QRICH2: variants seen among roughly 807,000 people sequenced by gnomAD.
The protein encoded by QRICH2 is glutamine rich 2.
QRICH2 carries 119 observed loss-of-function variants against 168.3 expected under a neutral mutation model. The ratio of observed to expected loss-of-function variants is 0.71; its 90% CI spans 0.61 to 0.82. The LOEUF (loss-of-function observed/expected upper bound fraction) is 0.82. Ranked by LOEUF, QRICH2 falls within the 40% of genes least tolerant of loss-of-function variation. The pLI is 0.00. For missense variants in QRICH2, 2,241 were observed against 2,491.6 expected (o/e 0.90, Z 2.14); for synonymous variants, 894 against 951.2 (o/e 0.94, Z 1.11).
intron 18 of QRICH2, among the ~76,000 whole-genome samples, chr17:76,274,485 A>T (rs1311858697): frequency 6.6e-6 from 1 of 152,184 alleles, no homozygotes; most frequent in Non-Finnish European, 1.5e-5. Context: ...AAAAATAAGC[A>T]AACACGTCCT....
rs895993534 is a variant in QRICH2, at chr17:76,287,949, C to G, written c.3799-52G>C. On this transcript the variant is annotated intron_variant, in intron 5 of 18. Coordinates refer to ENST00000680821, the MANE Select transcript of QRICH2 (RefSeq NM_001388453.1). The stretch of plus-strand genomic sequence containing the variant: ...CAGGCAGGCCTGAGCTCCCGCTTCC[C>G]AAGTGTGCCCTTGCATGCAGCTCAT... 3.5e-6 allele frequency: 5 copies of G among 1,428,760 alleles called. No individual in the cohort carries two copies. In the African/African-American group the frequency reaches 7.0e-5, roughly 20 times the overall value. The allele number at this position is 1,428,760 out of a possible 1,614,324, so 88.5% of individuals were successfully genotyped here.
rs572322941 is a variant in QRICH2, at chr17:76,274,099, G to A, written c.5644C>T (p.Arg1882Trp). The change falls in exon 19 of 19, where the codon CGG (arginine) becomes TGG (tryptophan). Residue 1882 changes from arginine to tryptophan, a missense_variant. Around this residue, in one of 3 missense-constraint regions of QRICH2, gnomAD observed 189 missense variants for 169.3 expected, o/e 1.12. Transcript: ENST00000680821. ...TCCGCTCACTGAGCGGTGCTGGACC[G>A]CGGCCCCCGCGTGGGCTCCTCGAGC... Reference protein sequence around the residue: ...EGLEEPTRGPRSSTAQ With the variant: ...EGLEEPTRGPWSSTAQ 10 of 1,579,312 alleles carry A rather than the reference G, an allele frequency of 6.3e-6. No individual in the cohort carries two copies. The highest frequency in any genetic ancestry group is 5.5e-5 in the African/African-American group (4 of 72,400).
rs2070772421 is a variant in QRICH2, at chr17:76,280,742, G to C, written c.4387-14C>G. On this transcript the variant is annotated splice_polypyrimidine_tract_variant and intron_variant, in intron 9 of 18. Coordinates refer to ENST00000680821, the MANE Select transcript of QRICH2 (RefSeq NM_001388453.1). This position sits in a 1 kb window ranked among gnomAD's most constrained non-coding sequence, Gnocchi z 7.4. ...CTGGTACAGCATCTGGGGAGGCCAA[G>C]TGAACAGAGAAAAAAAGAGCCAGCA... 2 of 1,614,130 alleles carry C rather than the reference G, an allele frequency of 1.2e-6. No individual in the cohort carries two copies. Among genetic ancestry groups the C allele is most frequent in the Admixed American group, 1.7e-5 (1 of 60,020 alleles).
At chr17:76,290,755 A>C (rs913609779) in intron 4 of QRICH2, among the ~76,000 whole-genome samples, 6 of 151,936 alleles carry the variant, frequency 3.9e-5, no homozygotes, top group African/African-American at 1.5e-4. Context: ...CTATAACCAG[A>C]CACTTTCCCC....
At chr17:76,277,882 T>C (rs1009153287) in intron 15 of QRICH2, 107 bp downstream of exon 15, 2 of 1,227,312 alleles carry the variant, frequency 1.6e-6, no homozygotes, top group African/African-American at 3.0e-5. Flanking sequence ...CACACTCCCT[T>C]TTCTCCCCCA....
chr17:76,288,974 A>G (rs1293333094), intron 5 of QRICH2, among the ~76,000 whole-genome samples: 1 of 150,156 alleles, frequency 6.7e-6, no homozygotes, highest in Non-Finnish European at 1.5e-5. Context: ...CGTGGTGGCG[A>G]GCACCTGTAG....
intron 2 of QRICH2, 55 bp downstream of exon 2, chr17:76,304,825 ACT>A (rs2070964164): frequency 4.0e-6 from 5 of 1,247,598 alleles, no homozygotes; most frequent in Non-Finnish European, 4.7e-6. Flanking sequence ...AGAGGGCCAC[ACT>A]GAGAGACGGC....
In QRICH2 at chr17:76,300,112, G is replaced by T. The variant is rs571491937; in HGVS notation, c.705+4303C>A. On this transcript the variant is annotated intron_variant, in intron 3 of 18. Coordinates refer to ENST00000680821, the MANE Select transcript of QRICH2 (RefSeq NM_001388453.1). ...CCCAAAGTGCTGGAATTACAGGCGTGAGCCACCGCACCTGGCCAAGCCAAA... is the reference window on the plus strand; with the variant it reads ...CCCAAAGTGCTGGAATTACAGGCGTTAGCCACCGCACCTGGCCAAGCCAAA... 2.6e-5 allele frequency among the ~76,000 whole-genome samples: 4 copies of T among 152,182 alleles called. No individual in the cohort carries two copies. The East Asian group carries it at 5.8e-4, about 22-fold the overall frequency.
At position 76,292,556 on chromosome 17, in the gene QRICH2, C is replaced by A. The variant is rs776199750; in HGVS notation, c.2171G>T (p.Gly724Val). The change falls in exon 4 of 19, where the codon GGT becomes GTT. Residue 724 changes from glycine (G) to valine (V), a missense_variant. Transcript: ENST00000680821. Reference protein sequence around the residue: ...GADQSDLAQPGAVQHGLVQPG... With the variant: ...GADQSDLAQPVAVQHGLVQPG... ...TTGGACCAAACCATGCTGAACTGCA[C>A]CAGGTTGAGCCAAATCACTCTGATC... The A allele has an allele frequency of 1.2e-6, 2 of 1,613,988 alleles. No homozygotes were observed. Among genetic ancestry groups the A allele is most frequent in the South Asian group, 2.2e-5 (2 of 91,064 alleles).
At chr17:76,300,287 A>G (rs556718734) in intron 3 of QRICH2, among the ~76,000 whole-genome samples, 2 of 152,136 alleles carry the variant, frequency 1.3e-5, no homozygotes, top group Non-Finnish European at 2.9e-5. Flanking sequence ...TGTGCGTTTG[A>G]TTACTGCTCA....
In QRICH2 at chr17:76,274,126, C is replaced by T; in HGVS notation, c.5617G>A (p.Gly1873Arg). 6.3e-7 allele frequency: 1 copy of T among 1,589,064 alleles called. No homozygotes were observed. The highest frequency in any genetic ancestry group is 8.5e-7 in the Non-Finnish European group (1 of 1,170,980). Residue 1873 changes from glycine to arginine, a missense_variant, in exon 19 of 19, where the codon GGG (glycine) becomes AGG (arginine). By Grantham distance (125) the Gly-to-Arg change is moderately radical. Coordinates refer to ENST00000680821, the MANE Select transcript of QRICH2 (RefSeq NM_001388453.1). ...ERHVDMPPGE[G>R]LEEPTRGPRS... is the part of the protein sequence containing the mutation. ...GGCCCCCGCGTGGGCTCCTCGAGCCCCTCCCCAGGAGGCATGTCCACGTGC... is the reference window on the plus strand; with the variant it reads ...GGCCCCCGCGTGGGCTCCTCGAGCCTCTCCCCAGGAGGCATGTCCACGTGC...
chr17:76,274,344 G>T (rs181732577), intron 18 of QRICH2, 84 bp from the exon 19 acceptor site: 2 of 1,394,770 alleles, frequency 1.4e-6, no homozygotes, highest in Non-Finnish European at 2.0e-6. Flanking sequence ...GCCCAGGGAG[G>T]TTGAGAGCAG....
At chr17:76,277,385 G>A (rs1182312164) in intron 15 of QRICH2, 75 bp from the exon 16 acceptor site, 10 of 1,522,800 alleles carry the variant, frequency 6.6e-6, no homozygotes, top group East Asian at 2.4e-5. Context: ...CACCCATGGG[G>A]CTGACCAGAG....
intron 3 of QRICH2, among the ~76,000 whole-genome samples, chr17:76,294,707 G>A (rs573867796): frequency 6.6e-6 from 1 of 151,572 alleles, no homozygotes; most frequent in African/African-American, 2.4e-5. Flanking sequence ...CAGCTACTCA[G>A]GAGACTGAGG....
chr17:76,285,548 G>A (rs776667598), intron 7 of QRICH2, among the ~76,000 whole-genome samples: 4 of 151,676 alleles, frequency 2.6e-5, no homozygotes, highest in Non-Finnish European at 2.9e-5. Flanking sequence ...GACTACAGGC[G>A]TGAGTCACCG....
At position 76,293,463 on chromosome 17, in the gene QRICH2, C is replaced by T; in HGVS notation, c.1264G>A (p.Val422Met). ...CGATCATCCATTTCAGGTGGTGGCA[C>T]ACCAAGCTGACCCATGCTGAGGGGT... ...VVPLSMGQLG[V>M]PPPEMDDREL... Residue 422 changes from valine to methionine, a missense_variant, in exon 4 of 19, where the codon GTG becomes ATG. Transcript: ENST00000680821. 6.2e-7 allele frequency: 1 copy of T among 1,614,172 alleles called. No individual in the cohort carries two copies. Among genetic ancestry groups the T allele is most frequent in the Non-Finnish European group, 8.5e-7 (1 of 1,180,034 alleles).
Position 76,280,686 on chromosome 17 carries a change from T to C in QRICH2, c.4429A>G (p.Asn1477Asp), listed in dbSNP as rs747613969. ...ATCTCCATCTCCAGGTGCTCCCTGTTGGCCTTTTCCTTTTCGAGCTTCTCC... is the reference window on the plus strand; with the variant it reads ...ATCTCCATCTCCAGGTGCTCCCTGTCGGCCTTTTCCTTTTCGAGCTTCTCC... ...GLEKLEKEKANREHLEMEIDV... is the reference protein window; with the variant it reads ...GLEKLEKEKADREHLEMEIDV... The change falls in exon 10 of 19, where the codon AAC becomes GAC. Residue 1477 changes from asparagine to aspartate, a missense_variant. Asn to Asp is a conservative substitution (Grantham distance 23, BLOSUM62 1). Around this residue, in one of 3 missense-constraint regions of QRICH2, gnomAD observed 2,047 missense variants for 2,303.8 expected, o/e 0.89. Transcript: ENST00000680821. The surrounding 1 kb of genome is among the most constrained non-coding windows in gnomAD (Gnocchi z 7.4). 83 of 1,614,072 alleles carry C rather than the reference T, an allele frequency of 5.1e-5. No homozygotes were observed. Among genetic ancestry groups the C allele is most frequent in the Non-Finnish European group, 6.0e-5 (71 of 1,180,046 alleles).
At position 76,279,057 on chromosome 17, in the gene QRICH2, G is replaced by A. The variant is rs765250948; in HGVS notation, c.4900C>T (p.Arg1634Trp). 2.5e-5 allele frequency: 41 copies of A among 1,613,710 alleles called. No individual in the cohort carries two copies. The highest frequency in any genetic ancestry group is 4.4e-5 in the South Asian group (4 of 91,050). ...PYTVFELEQVRQHSRNLKLGS... is the reference protein window; with the variant it reads ...PYTVFELEQVWQHSRNLKLGS... ...ATAGCATACTTGCGGCTATGCTGCC[G>A]GACCTGCTCCAGTTCAAACACCGTG... The change falls in exon 14 of 19, where the codon CGG becomes TGG. Residue 1634 changes from arginine (R) to tryptophan (W), a missense_variant. This residue lies in a region of QRICH2 where 2,047 missense variants were observed against 2,303.8 expected (regional missense o/e 0.89). Transcript: ENST00000680821.
chr17:76,285,287 T>A (rs76175385), intron 7 of QRICH2, among the ~76,000 whole-genome samples: 80,813 of 151,610 alleles, frequency 0.53, 23,779 homozygotes, highest in African/African-American at 0.79. Context: ...ACGTGCCACC[T>A]CGCCCGGCTA....
Sources: gnomAD v4.1 joint callset for allele counts (sites outside exome capture counted in the v4.1 genomes callset) on GRCh38, gnomAD v4.1.1 for gene constraint, gnomAD v4.1.1 regional missense constraint, Gnocchi (gnomAD v3.1) non-coding constraint, MANE v1.5 for transcripts, NCBI Gene and HGNC (gene_info 2026-07-23, HGNC 2026-07-21) for gene names.